The following MYCBP2 variants were observed in gnomAD, a reference collection of about 807,000 sequenced individuals.
MYCBP2 encodes E3 ubiquitin-protein ligase MYCBP2.
MYCBP2 carries 120 observed loss-of-function variants against 525.3 expected under a neutral mutation model. The observed-to-expected ratio is 0.23, with a 90% confidence interval of 0.20 to 0.27. The LOEUF (loss-of-function observed/expected upper bound fraction) is 0.27. MYCBP2 is among the 10% of genes least tolerant of loss of function. The pLI, the probability that MYCBP2 is intolerant of heterozygous loss-of-function variation, is 1.00. For missense variants in MYCBP2, 4,149 were observed against 5,657.1 expected (o/e 0.73, Z 8.55); for synonymous variants, 1,894 against 1,955.8 (o/e 0.97, Z 0.83).
intron 55 of MYCBP2, among the ~76,000 whole-genome samples, chr13:77,112,365 TTATATAA>T (rs1226488602): frequency 1.4e-5 from 2 of 146,714 alleles, no homozygotes; most frequent in Non-Finnish European, 1.5e-5. Context: ...AATATTTTAT[TTATATAA>T]TATATAATAT....
chr13:77,186,128 G>C (rs2060690069), intron 30 of MYCBP2, 65 bp from the exon 31 acceptor site: 2 of 1,209,006 alleles, frequency 1.7e-6, no homozygotes, highest in East Asian at 5.2e-5. Flanking sequence ...GGAATCAAAT[G>C]GAAAGGCAAT....
rs1279727788 is a variant in MYCBP2 at position 77,055,523 on chromosome 13, G to C, written c.13647+35C>G. 4.5e-6 allele frequency: 7 copies of C among 1,560,758 alleles called. No individual in the cohort carries two copies. The Admixed American group carries it at 1.2e-4, about 27-fold the overall frequency. On this transcript the variant is annotated intron_variant, in intron 80 of 82. Transcript: ENST00000544440. Reference sequence around the variant, plus strand: ...TTCTTAATCATATAGGTAAGCTCTAGTTTTTAAAACTTCTCAGTATAATTT... The same window carrying C: ...TTCTTAATCATATAGGTAAGCTCTACTTTTTAAAACTTCTCAGTATAATTT...
In MYCBP2 at chr13:77,278,814, T is replaced by A; in HGVS notation, c.692A>T (p.Asn231Ile). ...TTCTGGCTGCTGGCCCTGCAGCACG[T>A]TGAGCAGGGCTTGGAGACTCCTGAG... is the stretch of plus-strand genomic sequence containing the variant. ...LCLRSLQALL[N>I]VLQGQQPEGL... Residue 231 changes from asparagine to isoleucine, a missense_variant, in exon 4 of 83, where the codon AAC (asparagine) becomes ATC (isoleucine). Coordinates refer to ENST00000544440, the MANE Select transcript of MYCBP2 (RefSeq NM_015057.5). 2 of 1,599,292 alleles carry A rather than the reference T, an allele frequency of 1.3e-6. No homozygotes were observed. Among genetic ancestry groups the A allele is most frequent in the Non-Finnish European group, 1.7e-6 (2 of 1,173,152 alleles).
intron 38 of MYCBP2, among the ~76,000 whole-genome samples, chr13:77,170,794 C>G (rs1285769618): frequency 6.6e-6 from 1 of 152,052 alleles, no homozygotes. Flanking sequence ...TCAGGCTCGT[C>G]TCAAACTCCT....
chr13:77,323,229 C>T (rs1338536842), intron 1 of MYCBP2, among the ~76,000 whole-genome samples: 1 of 152,178 alleles, frequency 6.6e-6, no homozygotes, highest in African/African-American at 2.4e-5. Flanking sequence ...GGATGCAAAA[C>T]CAGTCTAGCT....
At chr13:77,209,775 AGAGGAAGCT>A (rs1177041914) in intron 23 of MYCBP2, among the ~76,000 whole-genome samples, 1 of 152,202 alleles carries the variant, frequency 6.6e-6, no homozygotes, top group Non-Finnish European at 1.5e-5. Context: ...CCCAAATAAG[AGAGGAAGCT>A]GGCCAGCAAC....
intron 52 of MYCBP2, among the ~76,000 whole-genome samples, chr13:77,134,061 G>GAGCAATTA (rs1566654889): frequency 6.6e-6 from 1 of 152,044 alleles, no homozygotes; most frequent in African/African-American, 2.4e-5. Context: ...TTTACTAAAT[G>GAGCAATTA]AGCAATTAAT....
chr13:77,121,319 GTAA>G, intron 55 of MYCBP2, 51 bp downstream of exon 55: 1 of 1,392,638 alleles, frequency 7.2e-7, no homozygotes, highest in Non-Finnish European at 9.6e-7. Context: ...AAAAGAGAAG[GTAA>G]TAAAAAATAT....
intron 49 of MYCBP2, among the ~76,000 whole-genome samples, chr13:77,141,389 A>T (rs1418280417): frequency 6.6e-6 from 1 of 151,934 alleles, no homozygotes; most frequent in Non-Finnish European, 1.5e-5. Context: ...TAACTGTTTG[A>T]CTCTCTGTGC....
chr13:77,171,331 G>GGA (rs1169252500), intron 38 of MYCBP2, among the ~76,000 whole-genome samples, 161 bp downstream of exon 38: 1 of 152,132 alleles, frequency 6.6e-6, no homozygotes, highest in Non-Finnish European at 1.5e-5. Context: ...ATTACAGTAT[G>GGA]GAGAGTGTGA....
At chr13:77,246,611 A>G (rs1289157839) in intron 15 of MYCBP2, among the ~76,000 whole-genome samples, 2 of 149,760 alleles carry the variant, frequency 1.3e-5, no homozygotes, top group South Asian at 2.2e-4. Context: ...GGAGGAGGAG[A>G]AGAAAGAAGA....
intron 80 of MYCBP2, among the ~76,000 whole-genome samples, chr13:77,053,543 G>A (rs1247887525): frequency 6.6e-6 from 1 of 152,158 alleles, no homozygotes; most frequent in Admixed American, 6.5e-5. Flanking sequence ...GGTTTGTCTT[G>A]GGGACTGCTT....
At chr13:77,066,452 T>C (rs2040216040) in intron 71 of MYCBP2, among the ~76,000 whole-genome samples, 1 of 152,206 alleles carries the variant, frequency 6.6e-6, no homozygotes, top group Non-Finnish European at 1.5e-5. Context: ...AGCTGACTTT[T>C]TTCCTAGCAA....
chr13:77,060,832 CA>C (rs889081573), intron 76 of MYCBP2, among the ~76,000 whole-genome samples: 1 of 152,052 alleles, frequency 6.6e-6, no homozygotes, highest in African/African-American at 2.4e-5. Context: ...CAACAACTAG[CA>C]GAACTAGAAG....
At chr13:77,191,622 C>A in intron 28 of MYCBP2, 57 bp downstream of exon 28, 1 of 1,578,684 alleles carries the variant, frequency 6.3e-7, no homozygotes, top group South Asian at 1.1e-5. Flanking sequence ...ATTTTCAAAA[C>A]AATATTCCTC....
chr13:77,149,746 T>G (rs2056178348), intron 47 of MYCBP2, among the ~76,000 whole-genome samples: 2 of 152,186 alleles, frequency 1.3e-5, no homozygotes, highest in Non-Finnish European at 2.9e-5. Context: ...ATATGTGAAT[T>G]TCATCTTTTA....
chr13:77,097,503 A>C lies in MYCBP2; in HGVS notation c.9651T>G (p.Val3217=). The C allele has an allele frequency of 6.2e-7, 1 of 1,612,836 alleles. No individual in the cohort carries two copies. ...KEKKKKEKAE[V]RPRGNLFGEM... ...CTCCAAACAAATTACCCCTGGGCCTAACTTCTGCCTTTTCTTTTTTCTTTT... is the reference window on the plus strand; with the variant it reads ...CTCCAAACAAATTACCCCTGGGCCTCACTTCTGCCTTTTCTTTTTTCTTTT... Residue 3217 remains valine (V), a synonymous_variant, in exon 56 of 83, where the codon GTT becomes GTG. Coordinates refer to ENST00000544440, the MANE Select transcript of MYCBP2 (RefSeq NM_015057.5).
chr13:77,170,187 T>C (rs989479615), intron 38 of MYCBP2, among the ~76,000 whole-genome samples: 6 of 152,212 alleles, frequency 3.9e-5, no homozygotes, highest in Admixed American at 2.6e-4. Flanking sequence ...AGGTAATATA[T>C]GTAAAACACT....
In MYCBP2 at chr13:77,239,033, T is replaced by C. The variant is rs138487892; in HGVS notation, c.2629+4026A>G. Among the ~76,000 whole-genome samples, 1,328 of 152,138 alleles carry C rather than the reference T, an allele frequency of 8.7e-3. 22 individuals carry two copies. The highest frequency in any genetic ancestry group is 0.03 in the African/African-American group (1,238 of 41,482). The stretch of plus-strand genomic sequence containing the variant: ...TACTCGGGAGGCCGAGGCAGGAGAA[T>C]CGCTTGAAACCGAGAGGCGGAGGTT... On this transcript the variant is annotated intron_variant, in intron 17 of 82. Coordinates refer to ENST00000544440, the MANE Select transcript of MYCBP2 (RefSeq NM_015057.5).
Sources: allele counts gnomAD v4.1 joint callset (sites outside exome capture counted in the v4.1 genomes callset), GRCh38; gene constraint gnomAD v4.1.1; transcripts MANE v1.5; gene names NCBI Gene and HGNC (gene_info 2026-07-23, HGNC 2026-07-21).